The following SORBS2 variants were observed in gnomAD, a reference collection of about 807,000 sequenced individuals.
The protein encoded by SORBS2 is sorbin and SH3 domain-containing protein 2.
Under a neutral mutation model 97.7 loss-of-function variants are expected in SORBS2, and 46 were observed. The ratio of observed to expected loss-of-function variants is 0.47; its 90% CI spans 0.37 to 0.60. The LOEUF (loss-of-function observed/expected upper bound fraction) is 0.60. Ranked by LOEUF, SORBS2 falls within the 20% of genes least tolerant of loss-of-function variation. The pLI, the probability that SORBS2 is intolerant of heterozygous loss-of-function variation, is 0.00. For missense variants in SORBS2, 1,316 were observed against 1,282.3 expected (o/e 1.03, Z -0.40); for synonymous variants, 476 against 473.4 (o/e 1.01, Z -0.07).
chr4:185,875,904 T>A (rs575903076), intron 1 of SORBS2, among the ~76,000 whole-genome samples: 3 of 152,232 alleles, frequency 2.0e-5, no homozygotes, highest in Non-Finnish European at 4.4e-5. Context: ...TCAAATATTA[T>A]TATTTTTAAA....
chr4:185,829,261 G>A lies in SORBS2; in HGVS notation c.-337-53895C>T, dbSNP rs550902983. 7.2e-5 allele frequency among the ~76,000 whole-genome samples: 11 copies of A among 152,260 alleles called. No homozygotes were observed. In the South Asian group the frequency reaches 2.1e-3, roughly 29 times the overall value. On this transcript the variant is annotated intron_variant, in intron 1 of 20. Coordinates refer to the SORBS2 transcript ENST00000284776. ...GGACTCTCAGCTCCATGGGTAAACG[G>A]TGTGATGTGGTTGGCAAATCAAGCT... is the stretch of plus-strand genomic sequence containing the variant.
At chr4:185,890,088 TG>T (rs1272997536) in intron 1 of SORBS2, among the ~76,000 whole-genome samples, 1 of 152,188 alleles carries the variant, frequency 6.6e-6, no homozygotes, top group Non-Finnish European at 1.5e-5. Context: ...GGTTTTGCCA[TG>T]TTGGCCAGGC....
At chr4:185,852,367 A>C (rs1255787774) in intron 1 of SORBS2, among the ~76,000 whole-genome samples, 3 of 152,204 alleles carry the variant, frequency 2.0e-5, no homozygotes, top group African/African-American at 7.2e-5. Flanking sequence ...GTATCTGCAG[A>C]GTGAGATACT....
chr4:185,939,750 T>A (rs2099270929), intron 1 of SORBS2, among the ~76,000 whole-genome samples: 1 of 152,156 alleles, frequency 6.6e-6, no homozygotes, highest in African/African-American at 2.4e-5. Flanking sequence ...CCTCACGTGA[T>A]CTGCCCGCCT....
chr4:185,952,274 A>G (rs181015062), intron 1 of SORBS2, among the ~76,000 whole-genome samples: 9 of 152,252 alleles, frequency 5.9e-5, no homozygotes, highest in Admixed American at 5.9e-4. Context: ...GAAATCCACC[A>G]GCCTCGGCCT....
chr4:185,942,279 T>C (rs886838467), intron 1 of SORBS2, among the ~76,000 whole-genome samples: 1 of 152,150 alleles, frequency 6.6e-6, no homozygotes, highest in Non-Finnish European at 1.5e-5. Flanking sequence ...ATAGCCCACT[T>C]AGGAAAGCAC....
chr4:185,606,557 C>T lies in SORBS2; in HGVS notation c.2796+5223G>A. The T allele has an allele frequency of 2.0e-6, 2 of 985,250 alleles. No individual in the cohort carries two copies. The highest frequency in any genetic ancestry group is 3.5e-5 in the African/African-American group (2 of 57,314). The allele number at this position is 985,250 out of a possible 1,614,324, so 61.0% of individuals were successfully genotyped here. A position where few individuals can be genotyped will look rare whatever the true frequency, so the allele number is the denominator to read the frequency against. On this transcript the variant is annotated intron_variant, in intron 12 of 14. Transcript: ENST00000418609. The surrounding 1 kb of genome is among the most constrained non-coding windows in gnomAD (Gnocchi z 4.3). ...CTAATCATGGTAAGGCCGGTTAGTT[C>T]TTCCATAATCAGACAAAATTAAAAT...
At chr4:185,820,780 C>T (rs2099196323) in intron 1 of SORBS2, among the ~76,000 whole-genome samples, 1 of 152,250 alleles carries the variant, frequency 6.6e-6, no homozygotes, top group Admixed American at 6.5e-5. Flanking sequence ...TTTACTTAAT[C>T]TCTGTCTGTC....
At chr4:185,763,380 C>T (rs2098915512) in intron 2 of SORBS2, among the ~76,000 whole-genome samples, 1 of 152,088 alleles carries the variant, frequency 6.6e-6, no homozygotes, top group Non-Finnish European at 1.5e-5. Flanking sequence ...GCTATACTGG[C>T]CCTTCCTTCC....
At position 185,667,868 on chromosome 4, in the gene SORBS2, T is replaced by G. The variant is rs6552903; in HGVS notation, c.-45-5626A>C. 2.6e-5 allele frequency among the ~76,000 whole-genome samples: 4 copies of G among 151,626 alleles called. No homozygotes were observed. The South Asian group carries it at 6.2e-4, about 24-fold the overall frequency. ...TTGCAATCTTATTGGAGGTGAAACTTTAATATTATGAAATTATCATAATTC... is the reference window on the plus strand; with the variant it reads ...TTGCAATCTTATTGGAGGTGAAACTGTAATATTATGAAATTATCATAATTC... On this transcript the variant is annotated intron_variant, in intron 4 of 20. Transcript: ENST00000284776.
chr4:185,941,375 A>AT (rs5864965), intron 1 of SORBS2, among the ~76,000 whole-genome samples: 34,620 of 151,816 alleles, frequency 0.23, 4,510 homozygotes, highest in East Asian at 0.57. Flanking sequence ...ATGAGGTTAC[A>AT]TTTTTTTCCT....
chr4:185,916,737 G>T (rs1489929420), intron 1 of SORBS2, among the ~76,000 whole-genome samples: 1 of 152,176 alleles, frequency 6.6e-6, no homozygotes, highest in African/African-American at 2.4e-5. Context: ...GTAGAGGAGA[G>T]CGATGCTATT....
chr4:185,655,962 C>T (rs982220200), intron 1 of SORBS2, among the ~76,000 whole-genome samples: 11 of 152,186 alleles, frequency 7.2e-5, no homozygotes, highest in African/African-American at 2.4e-4. Context: ...TACTATGCCT[C>T]AAGTGCCAGT....
chr4:185,709,452 TG>T (rs2098398045), intron 2 of SORBS2, among the ~76,000 whole-genome samples: 1 of 152,252 alleles, frequency 6.6e-6, no homozygotes, highest in South Asian at 2.1e-4. Context: ...TGACTTTCTC[TG>T]CCAATTTTCC....
intron 12 of SORBS2, among the ~76,000 whole-genome samples, chr4:185,611,168 T>C (rs946844007): frequency 1.3e-5 from 2 of 152,230 alleles, no homozygotes; most frequent in Middle Eastern, 3.4e-3. Flanking sequence ...AACATTTTCA[T>C]TTAAACTAAT....
chr4:185,665,489 G>C (rs1382794092), intron 4 of SORBS2, among the ~76,000 whole-genome samples: 1 of 152,114 alleles, frequency 6.6e-6, no homozygotes, highest in East Asian at 1.9e-4. Flanking sequence ...CAGTAACACG[G>C]GAAACCGTAA....
intron 1 of SORBS2, among the ~76,000 whole-genome samples, chr4:185,785,156 C>T (rs1356085592): frequency 3.4e-5 from 5 of 149,124 alleles, no homozygotes; most frequent in Admixed American, 6.7e-5. Context: ...AATGTGTCCT[C>T]GGGACAGAAA....
chr4:185,872,808 C>T (rs1321283530), intron 1 of SORBS2, among the ~76,000 whole-genome samples: 3 of 152,174 alleles, frequency 2.0e-5, no homozygotes, highest in Non-Finnish European at 4.4e-5. Context: ...GGCCTTTCTC[C>T]CATGCAATGC....
chr4:185,825,269 T>C (rs112538100), intron 1 of SORBS2, among the ~76,000 whole-genome samples: 12 of 90,810 alleles, frequency 1.3e-4, no homozygotes, highest in African/African-American at 4.5e-4. Context: ...GCAATAACAG[T>C]CAATGTAATT....
Sources: gnomAD v4.1 joint callset for allele counts (sites outside exome capture counted in the v4.1 genomes callset) on GRCh38, gnomAD v4.1.1 for gene constraint, Gnocchi (gnomAD v3.1) non-coding constraint, MANE v1.5 for transcripts, NCBI Gene and HGNC (gene_info 2026-07-23, HGNC 2026-07-21) for gene names.